FHOD3: variants seen among roughly 807,000 people sequenced by gnomAD.
FHOD3 encodes FH1/FH2 domain-containing protein 3.
In FHOD3, 90 loss-of-function variants were observed where a neutral mutation model predicts 173.0. The observed-to-expected ratio is 0.52, with a 90% confidence interval of 0.44 to 0.62. The LOEUF (loss-of-function observed/expected upper bound fraction) is 0.62, where lower values mean the gene tolerates loss of function less well. FHOD3 is among the 20% of genes least tolerant of loss of function. The pLI is 0.00. For synonymous variants in FHOD3, 828 were observed against 823.0 expected, an observed-to-expected ratio of 1.01 and a Z score of -0.10; for missense variants, 1,945 against 2,034.7, an observed-to-expected ratio of 0.96 and a Z score of 0.85.
chr18:36,441,121 T>A (rs2051121351), intron 3 of FHOD3, among the ~76,000 whole-genome samples: 1 of 152,186 alleles, frequency 6.6e-6, no homozygotes, highest in South Asian at 2.1e-4. Context: ...TCTCTCTTTG[T>A]CTTTGCAACA....
At chr18:36,723,323 C>A (rs1049939948) in intron 19 of FHOD3, among the ~76,000 whole-genome samples, 1 of 152,178 alleles carries the variant, frequency 6.6e-6, no homozygotes, top group Non-Finnish European at 1.5e-5. Flanking sequence ...GATTCCTCAG[C>A]CTTTGCTTGG....
intron 3 of FHOD3, among the ~76,000 whole-genome samples, chr18:36,479,501 T>C (rs1053386860): frequency 2.0e-5 from 3 of 152,116 alleles, no homozygotes; most frequent in African/African-American, 7.2e-5. Context: ...CTTTTGAAAA[T>C]TTCTGCCACA....
intron 5 of FHOD3, among the ~76,000 whole-genome samples, chr18:36,521,331 A>G (rs889888264): frequency 6.6e-6 from 1 of 152,036 alleles, no homozygotes; most frequent in African/African-American, 2.4e-5. Flanking sequence ...GTGCCCTGGT[A>G]TCTCCATCTC....
chr18:36,402,374 T>C (rs1406062366), intron 3 of FHOD3, among the ~76,000 whole-genome samples: 2 of 152,134 alleles, frequency 1.3e-5, no homozygotes, highest in Non-Finnish European at 2.9e-5. Context: ...ACATAACCCA[T>C]GCCACTACCT....
At position 36,718,186 on chromosome 18, in the gene FHOD3, A is replaced by G. The variant is rs199890387; in HGVS notation, c.2888A>G (p.Lys963Arg). Residue 963 changes from lysine (K) to arginine (R), a missense_variant, in exon 19 of 29, where the codon AAG becomes AGG. Lys to Arg is a conservative substitution (Grantham distance 26). Around this residue, in one of 5 missense-constraint regions of FHOD3, gnomAD observed 1,099 missense variants for 1,051.2 expected, o/e 1.05. Transcript: ENST00000590592. ...TCCCCTGATGCTGAGCCCAATGACA[A>G]GGTCCCAGAAACAGCGCCGGTGCAG... ...SISPDAEPND[K>R]VPETAPVQPK... 1.3e-4 allele frequency: 208 copies of G among 1,613,322 alleles called. No homozygotes were observed. The highest frequency in any genetic ancestry group is 1.6e-4 in the Non-Finnish European group (190 of 1,179,658).
At chr18:36,376,890 T>A (rs2047467488) in intron 3 of FHOD3, among the ~76,000 whole-genome samples, 1 of 152,238 alleles carries the variant, frequency 6.6e-6, no homozygotes, top group African/African-American at 2.4e-5. Flanking sequence ...ACAAAGGGGA[T>A]TCATCTCACA....
intron 5 of FHOD3, among the ~76,000 whole-genome samples, chr18:36,550,331 CA>C (rs986386491): frequency 4.1e-4 from 62 of 149,516 alleles, no homozygotes; most frequent in Admixed American, 7.4e-4. Context: ...TTGCCAATAC[CA>C]CACTGTTTTG....
At chr18:36,761,800 A>G (rs1372309250) in intron 27 of FHOD3, among the ~76,000 whole-genome samples, 2 of 152,078 alleles carry the variant, frequency 1.3e-5, no homozygotes, top group Non-Finnish European at 2.9e-5. Flanking sequence ...TTTGCTTAGC[A>G]CACACTATGC....
At chr18:36,755,053 A>C (rs1426996622) in intron 24 of FHOD3, 66 bp from the exon 25 acceptor site, 1 of 962,312 alleles carries the variant, frequency 1.0e-6, no homozygotes, top group Non-Finnish European at 1.5e-6. Context: ...TTACTGAGAG[A>C]TTTTAGACAA....
chr18:36,779,850 A>G lies in FHOD3; in HGVS notation c.*320A>G. ...TTAAGGAGCAAATCACTTCTGTCAC[A>G]GTTATTATGGTAATATGAGGCAATC... On this transcript the variant is annotated 3_prime_UTR_variant, in exon 29 of 29. Coordinates refer to ENST00000590592, the MANE Select transcript of FHOD3 (RefSeq NM_001281740.3). 2 of 457,628 alleles carry G rather than the reference A, an allele frequency of 4.4e-6. No individual in the cohort carries two copies. The highest frequency in any genetic ancestry group is 7.7e-6 in the Non-Finnish European group (2 of 260,552). The allele number at this position is 457,628 out of a possible 1,614,324, so 28.3% of individuals were successfully genotyped here. A position where few individuals can be genotyped will look rare whatever the true frequency, so the allele number is the denominator to read the frequency against.
intron 3 of FHOD3, among the ~76,000 whole-genome samples, chr18:36,409,715 T>C (rs904155256): frequency 3.9e-5 from 6 of 152,188 alleles, no homozygotes; most frequent in Non-Finnish European, 8.8e-5. Context: ...ATACAGACTT[T>C]GGTATGTGGA....
intron 1 of FHOD3, among the ~76,000 whole-genome samples, chr18:36,350,424 T>C (rs907781783): frequency 6.6e-6 from 1 of 152,218 alleles, no homozygotes; most frequent in Non-Finnish European, 1.5e-5. Context: ...GCTGTACTTC[T>C]GTAATAGCCC....
intron 20 of FHOD3, among the ~76,000 whole-genome samples, chr18:36,733,023 A>T (rs531451764): frequency 6.6e-6 from 1 of 152,194 alleles, no homozygotes; most frequent in East Asian, 1.9e-4. Context: ...AGTAAATACC[A>T]CTAGAGGGAA....
intron 21 of FHOD3, among the ~76,000 whole-genome samples, chr18:36,741,551 C>A (rs946403493): frequency 1.3e-5 from 2 of 152,130 alleles, no homozygotes; most frequent in Admixed American, 1.3e-4. Context: ...AGGAGGATGG[C>A]TTGAAGCCTG....
At chr18:36,727,016 G>A (rs748683117) in intron 19 of FHOD3, among the ~76,000 whole-genome samples, 2 of 152,038 alleles carry the variant, frequency 1.3e-5, no homozygotes, top group Non-Finnish European at 2.9e-5. Flanking sequence ...GGATGGATGG[G>A]TTAGGGAGAG....
At chr18:36,658,011 A>C (rs1022459156) in intron 13 of FHOD3, 64 bp from the exon 14 acceptor site, 2 of 1,223,172 alleles carry the variant, frequency 1.6e-6, no homozygotes, top group Non-Finnish European at 1.2e-6. Flanking sequence ...GCTAAGTCTT[A>C]TTTACTGACT....
intron 19 of FHOD3, among the ~76,000 whole-genome samples, chr18:36,728,592 GT>G (rs113530739): frequency 0.061 from 8,788 of 144,300 alleles, 288 homozygotes; most frequent in East Asian, 0.15. Context: ...TTGTTGTTGG[GT>G]TTTTTTTTTT....
intron 1 of FHOD3, among the ~76,000 whole-genome samples, chr18:36,322,447 GA>G (rs1352975729): frequency 6.6e-6 from 1 of 152,132 alleles, no homozygotes; most frequent in African/African-American, 2.4e-5. Context: ...CTGTTGTGGG[GA>G]TGGGTGAAGG....
chr18:36,684,271 CA>C (rs2038451947), intron 15 of FHOD3, among the ~76,000 whole-genome samples: 1 of 152,072 alleles, frequency 6.6e-6, no homozygotes, highest in Admixed American at 6.6e-5. Flanking sequence ...AATAAGACCT[CA>C]AATCTCATTA....
Sources: allele counts gnomAD v4.1 joint callset (sites outside exome capture counted in the v4.1 genomes callset), GRCh38; gene constraint gnomAD v4.1.1; regional missense constraint gnomAD v4.1.1; transcripts MANE v1.5; gene names NCBI Gene and HGNC (gene_info 2026-07-23, HGNC 2026-07-21).